The following FER1L6 variants were observed in gnomAD, a reference collection of about 807,000 sequenced individuals.
FER1L6 encodes the protein fer-1 like family member 6, also known as fer-1-like protein 6.
Under a neutral mutation model 219.2 loss-of-function variants are expected in FER1L6, and 177 were observed. The observed-to-expected ratio is 0.81, with a 90% CI of 0.71 to 0.91. The LOEUF (loss-of-function observed/expected upper bound fraction) is 0.91, where lower values mean the gene tolerates loss of function less well. Ranked by LOEUF, FER1L6 falls within the 40% of genes least tolerant of loss-of-function variation. FER1L6 has a pLI of 0.00. For synonymous variants in FER1L6, 768 were observed against 824.3 expected, an observed-to-expected ratio of 0.93 and a Z score of 1.17; for missense variants, 2,153 against 2,259.9, an observed-to-expected ratio of 0.95 and a Z score of 0.96.
intron 1 of FER1L6, among the ~76,000 whole-genome samples, chr8:123,933,918 A>G (rs1813883111): frequency 6.6e-6 from 1 of 152,202 alleles, no homozygotes; most frequent in Admixed American, 6.5e-5. Context: ...TTTTACCTTG[A>G]TATGGTAGTT....
chr8:124,068,042 C>A (rs776911865), intron 28 of FER1L6, among the ~76,000 whole-genome samples: 13 of 152,116 alleles, frequency 8.5e-5, no homozygotes, highest in Admixed American at 6.5e-5. Flanking sequence ...GACCCTTTGG[C>A]TCAAGTTCCT....
At chr8:124,105,433 T>C (rs1246318057) in intron 39 of FER1L6, among the ~76,000 whole-genome samples, 1 of 152,158 alleles carries the variant, frequency 6.6e-6, no homozygotes, top group Non-Finnish European at 1.5e-5. Flanking sequence ...AGGGAGGGGA[T>C]CTGCCTCACC....
chr8:123,860,489 T>C (rs1816727581), intron 1 of FER1L6, among the ~76,000 whole-genome samples: 2 of 110,042 alleles, frequency 1.8e-5, no homozygotes, highest in African/African-American at 8.2e-5. Flanking sequence ...CATTTGGGTA[T>C]ATACCCAGTA....
chr8:124,023,748 A>G, intron 18 of FER1L6, 152 bp downstream of exon 18: 1 of 733,968 alleles, frequency 1.4e-6, no homozygotes, highest in East Asian at 2.9e-5. Flanking sequence ...CTTGGTTCAA[A>G]TTGCAATTCA....
At chr8:123,910,500 T>A (rs185638201) in intron 1 of FER1L6, among the ~76,000 whole-genome samples, 2 of 152,362 alleles carry the variant, frequency 1.3e-5, no homozygotes, top group East Asian at 1.9e-4. Context: ...CATCCTGTGA[T>A]AACTTAACAT....
At chr8:124,070,722 A>C (rs912563647) in intron 30 of FER1L6, 124 bp downstream of exon 30, 2 of 854,868 alleles carry the variant, frequency 2.3e-6, no homozygotes, top group South Asian at 2.1e-5. Flanking sequence ...TTTTTACTCA[A>C]GTCCCTCTCT....
intron 1 of FER1L6, among the ~76,000 whole-genome samples, chr8:123,946,632 T>C (rs1814505230): frequency 6.6e-6 from 1 of 152,208 alleles, no homozygotes; most frequent in East Asian, 1.9e-4. Context: ...CTCATTAATA[T>C]GTAAAACATA....
chr8:124,042,454 T>C (rs767165039), intron 20 of FER1L6, among the ~76,000 whole-genome samples: 1 of 152,248 alleles, frequency 6.6e-6, no homozygotes, highest in Non-Finnish European at 1.5e-5. Flanking sequence ...AGTGTCTTCA[T>C]TCTACAGATG....
chr8:123,993,858 G>A lies in FER1L6; in HGVS notation c.1519+7682G>A, dbSNP rs149343062. On this transcript the variant is annotated intron_variant, in intron 12 of 40. Transcript: ENST00000522917. ...AGTGGCTACCAGTACCAGTTCTAAT[G>A]AGGGTGGTCAGGGGAGTGATGTAGA... 9.0e-3 allele frequency among the ~76,000 whole-genome samples: 1,372 copies of A among 152,322 alleles called. 83 individuals carry two copies. Among genetic ancestry groups the A allele is most frequent in the Admixed American group, 0.085 (1,300 of 15,290 alleles).
intron 18 of FER1L6, among the ~76,000 whole-genome samples, chr8:124,029,250 G>A (rs149608194): frequency 0.026 from 3,941 of 152,320 alleles, 163 homozygotes; most frequent in African/African-American, 0.091. Context: ...ACGTGTGCAT[G>A]TGTCTTTATA....
At chr8:124,043,778 C>T (rs549060063) in intron 20 of FER1L6, among the ~76,000 whole-genome samples, 3 of 152,272 alleles carry the variant, frequency 2.0e-5, no homozygotes, top group South Asian at 2.1e-4. Context: ...TGAATGAGGA[C>T]GAAGTTACCT....
At chr8:124,074,592 C>T (rs941956804) in intron 31 of FER1L6, among the ~76,000 whole-genome samples, 1 of 149,102 alleles carries the variant, frequency 6.7e-6, no homozygotes, top group Admixed American at 6.7e-5. Flanking sequence ...GCATAAGTTG[C>T]AGTGAGCCAA....
At chr8:123,921,628 C>T (rs558164413) in intron 1 of FER1L6, among the ~76,000 whole-genome samples, 4 of 151,518 alleles carry the variant, frequency 2.6e-5, no homozygotes, top group Non-Finnish European at 5.9e-5. Context: ...TCCCACCTTA[C>T]CTTTTTTTTG....
chr8:123,855,669 AGTGAAAACCATATGTGTGTGTGTGTGTGT>A (rs1470762630), intron 1 of FER1L6, among the ~76,000 whole-genome samples: 1 of 142,312 alleles, frequency 7.0e-6, no homozygotes, highest in Non-Finnish European at 1.5e-5. Context: ...AGACTTTTAA[AGTGAAAACCATATGTGTGTGTGTGTGTGT>A]GTGTATATGT....
At chr8:123,942,240 T>C (rs540821558) in intron 1 of FER1L6, among the ~76,000 whole-genome samples, 3 of 152,272 alleles carry the variant, frequency 2.0e-5, no homozygotes, top group South Asian at 4.1e-4. Flanking sequence ...TCCTCAGTGC[T>C]CTGCACTTTA....
chr8:124,037,022 A>G (rs867344391), intron 19 of FER1L6, among the ~76,000 whole-genome samples: 1 of 152,374 alleles, frequency 6.6e-6, no homozygotes, highest in African/African-American at 2.4e-5. Context: ...CACATCTCTC[A>G]TAACCACAAG....
intron 24 of FER1L6, 77 bp downstream of exon 24, chr8:124,060,786 C>A (rs1378799668): frequency 7.0e-7 from 1 of 1,425,720 alleles, no homozygotes. Context: ...TTTCAGATGT[C>A]CACTAGCTGC....
intron 1 of FER1L6, among the ~76,000 whole-genome samples, chr8:123,951,772 C>T (rs1814779115): frequency 6.6e-6 from 1 of 152,176 alleles, no homozygotes. Flanking sequence ...AAAGTCCGCC[C>T]CCTGCCCTCC....
At chr8:123,918,294 G>T (rs550067489) in intron 1 of FER1L6, among the ~76,000 whole-genome samples, 32 of 143,626 alleles carry the variant, frequency 2.2e-4, no homozygotes, top group Middle Eastern at 3.8e-3. Context: ...GGGTGACAGA[G>T]AGACAACCTG....
Sources: gnomAD v4.1 joint callset for allele counts (sites outside exome capture counted in the v4.1 genomes callset) on GRCh38, gnomAD v4.1.1 for gene constraint, MANE v1.5 for transcripts, NCBI Gene and HGNC (gene_info 2026-07-23, HGNC 2026-07-21) for gene names.